SNX2: variants seen among roughly 807,000 people sequenced by gnomAD.
SNX2 encodes sorting nexin-2.
Under a neutral mutation model 69.9 loss-of-function variants are expected in SNX2, and 25 were observed. That is an observed-to-expected ratio of 0.36 (90% CI 0.26 to 0.50). The LOEUF (loss-of-function observed/expected upper bound fraction) is 0.50, where lower values mean the gene tolerates loss of function less well. Ranked by LOEUF, SNX2 falls within the 20% of genes least tolerant of loss-of-function variation. SNX2 has a pLI of 0.97. For missense variants in SNX2, 551 were observed against 613.3 expected, an observed-to-expected ratio of 0.90 and a Z score of 1.07; for synonymous variants, 229 against 200.4, an observed-to-expected ratio of 1.14 and a Z score of -1.20.
chr5:122,791,127 T>G (rs1167916287), intron 1 of SNX2, among the ~76,000 whole-genome samples: 31 of 42,920 alleles, frequency 7.2e-4, no homozygotes, highest in Non-Finnish European at 1.1e-3. Context: ...CAATTTTTTT[T>G]TTTTTTTTTT....
intron 6 of SNX2, among the ~76,000 whole-genome samples, chr5:122,804,393 TCTCA>T (rs1170205959): frequency 6.8e-6 from 1 of 146,106 alleles, no homozygotes; most frequent in African/African-American, 2.6e-5. Context: ...TGAGATGGAG[TCTCA>T]CTCTGTCATC....
chr5:122,823,316 AAACG>A (rs1234549001), intron 11 of SNX2, among the ~76,000 whole-genome samples: 2 of 150,432 alleles, frequency 1.3e-5, no homozygotes, highest in Non-Finnish European at 2.9e-5. Context: ...GAAAGAAAAC[AAACG>A]AAGAAAAAGT....
intron 2 of SNX2, among the ~76,000 whole-genome samples, chr5:122,796,292 C>T (rs1336021622): frequency 6.6e-6 from 1 of 152,084 alleles, no homozygotes; most frequent in Non-Finnish European, 1.5e-5. Context: ...CATAGTGGTT[C>T]AATATTCAAA....
In SNX2 at chr5:122,801,652, C is replaced by CGTGTGTGTGTGTGTGTGTGT. The variant is rs61189602; in HGVS notation, c.391-198_391-179dup. On this transcript the variant is annotated intron_variant, in intron 3 of 14. Coordinates refer to ENST00000379516, the MANE Select transcript of SNX2 (RefSeq NM_003100.4). ...TGTTACTTCTCCAAATGGTCTTTTT[C>CGTGTGTGTGTGTGTGTGTGT]GTGTGTGTGTGTGTGTGTGTGTGTG... Among the ~76,000 whole-genome samples the CGTGTGTGTGTGTGTGTGTGT allele has an allele frequency of 1.9e-3, 248 of 132,110 alleles. 1 individual carries two copies. Among genetic ancestry groups the CGTGTGTGTGTGTGTGTGTGT allele is most frequent in the African/African-American group, 7.0e-3 (237 of 33,640 alleles). The allele number at this position is 132,110 out of a possible 152,430, so 86.7% of individuals were successfully genotyped here.
rs540460684 is a variant in SNX2 at position 122,805,876 on chromosome 5, G to T, written c.643+2263G>T. ...GCTCACTGCAAGCTCTGTCTCCCGG[G>T]TTCATGCTATTCTCCTGCCTCAGCC... On this transcript the variant is annotated intron_variant, in intron 6 of 14. Coordinates refer to ENST00000379516, the MANE Select transcript of SNX2 (RefSeq NM_003100.4). Among the ~76,000 whole-genome samples, 15 of 152,166 alleles carry T rather than the reference G, an allele frequency of 9.9e-5. No homozygotes were observed. The East Asian group carries it at 2.7e-3, about 27-fold the overall frequency.
In SNX2 at chr5:122,833,196, T is replaced by A. The variant is rs544747025; in HGVS notation, c.*3548T>A. 3.9e-5 allele frequency: 6 copies of A among 152,276 alleles called. No individual in the cohort carries two copies. The East Asian group carries it at 1.2e-3, about 29-fold the overall frequency. The allele number at this position is 152,276 out of a possible 1,614,324, so 9.4% of individuals were successfully genotyped here. ...CCTCACAGTGAAGGATTTGGTTTCA[T>A]GTAACAATGAAAGTAGATAATGGGT... is the stretch of plus-strand genomic sequence containing the variant. On this transcript the variant is annotated 3_prime_UTR_variant, in exon 15 of 15. Transcript: ENST00000379516.
intron 11 of SNX2, among the ~76,000 whole-genome samples, chr5:122,820,192 A>G (rs1291222003): frequency 6.6e-6 from 1 of 152,176 alleles, no homozygotes; most frequent in Non-Finnish European, 1.5e-5. Context: ...AAAGTGTGAC[A>G]CTTCCAACAA....
At chr5:122,805,330 C>A (rs1303412560) in intron 6 of SNX2, among the ~76,000 whole-genome samples, 6 of 147,536 alleles carry the variant, frequency 4.1e-5, no homozygotes, top group African/African-American at 1.2e-4. Flanking sequence ...TTTATTTTTT[C>A]CCCCAAGCTG....
At chr5:122,782,225 C>G (rs1269586776) in intron 1 of SNX2, among the ~76,000 whole-genome samples, 1 of 151,958 alleles carries the variant, frequency 6.6e-6, no homozygotes, top group African/African-American at 2.4e-5. Context: ...CCTTTTACAT[C>G]TTTTGCTTAT....
At chr5:122,821,421 A>G (rs1754018478) in intron 11 of SNX2, among the ~76,000 whole-genome samples, 1 of 149,914 alleles carries the variant, frequency 6.7e-6, no homozygotes, top group Non-Finnish European at 1.5e-5. Flanking sequence ...ACTCCACTTA[A>G]TAGGGCGGTC....
At chr5:122,810,787 AAAAG>A (rs554351457) in intron 7 of SNX2, among the ~76,000 whole-genome samples, 1 of 152,198 alleles carries the variant, frequency 6.6e-6, no homozygotes. Flanking sequence ...AATAGTGAAA[AAAAG>A]AAAGAAACAG....
At chr5:122,791,153 T>C (rs2112683) in intron 1 of SNX2, among the ~76,000 whole-genome samples, 91,019 of 146,924 alleles carry the variant, frequency 0.62, 28,758 homozygotes, top group African/African-American at 0.7. Context: ...AGAGGAGTTT[T>C]GTTCTTGTTG....
rs1296425948 is a variant in SNX2 at position 122,799,682 on chromosome 5, C to T, written c.227-10C>T. The stretch of plus-strand genomic sequence containing the variant: ...AGTGTTCTTAACTAACTTGTTTAAT[C>T]TATGTCTAGAAGCCACAGAAGAAGT... On this transcript the variant is annotated splice_polypyrimidine_tract_variant and intron_variant, in intron 2 of 14. Coordinates refer to ENST00000379516, the MANE Select transcript of SNX2 (RefSeq NM_003100.4). 1 of 1,606,048 alleles carries T rather than the reference C, an allele frequency of 6.2e-7. No individual in the cohort carries two copies. The highest frequency in any genetic ancestry group is 1.7e-4 in the Middle Eastern group (1 of 6,034).
rs1468611344 is a variant in SNX2 at position 122,833,455 on chromosome 5, ATAT to A, written c.*3812_*3814del. On this transcript the variant is annotated 3_prime_UTR_variant, in exon 15 of 15. Transcript: ENST00000379516. The stretch of plus-strand genomic sequence containing the variant: ...ATTTTAATAATCCAGTAGCTCCAAA[ATAT>A]TATTTTAATATGTAATCCAATATAT... 6.6e-6 allele frequency: 1 copy of A among 152,266 alleles called. No individual in the cohort carries two copies. Among genetic ancestry groups the A allele is most frequent in the Non-Finnish European group, 1.5e-5 (1 of 67,998 alleles). 9.4% of individuals were successfully genotyped at this position (152,266 alleles called of 1,614,324 possible).
In SNX2 at chr5:122,816,908, A is replaced by G. The variant is rs1421017583; in HGVS notation, c.799-7A>G. On this transcript the variant is annotated splice_polypyrimidine_tract_variant and splice_region_variant and intron_variant, in intron 8 of 14. Coordinates refer to ENST00000379516, the MANE Select transcript of SNX2 (RefSeq NM_003100.4). ...TTTGTTTGCCCTTATTTGTCATTCA[A>G]TTCCAGCTGCCTAGAGCAGTTAATA... The G allele has an allele frequency of 6.3e-7, 1 of 1,590,212 alleles. No homozygotes were observed. The highest frequency in any genetic ancestry group is 1.7e-5 in the Admixed American group (1 of 59,054).
At chr5:122,786,245 C>A (rs1026452382) in intron 1 of SNX2, among the ~76,000 whole-genome samples, 4 of 152,018 alleles carry the variant, frequency 2.6e-5, no homozygotes, top group African/African-American at 9.7e-5. Context: ...ATTTGTCTTT[C>A]AAGCAGGTTT....
chr5:122,811,984 G>A (rs1327066478), intron 7 of SNX2, among the ~76,000 whole-genome samples: 5 of 152,080 alleles, frequency 3.3e-5, no homozygotes, highest in African/African-American at 1.2e-4. Flanking sequence ...AGCTGTTCAG[G>A]ATTATCTAAT....
At chr5:122,775,530 C>T (rs1752837354) in intron 1 of SNX2, 6 of 1,044,644 alleles carry the variant, frequency 5.7e-6, no homozygotes, top group Non-Finnish European at 6.9e-6. Context: ...CCTCTTCAAG[C>T]CGGAGAAGGG....
At chr5:122,821,968 T>A (rs925866745) in intron 11 of SNX2, among the ~76,000 whole-genome samples, 3 of 152,244 alleles carry the variant, frequency 2.0e-5, no homozygotes, top group African/African-American at 7.2e-5. Flanking sequence ...CTTTGTACCC[T>A]AACCTACCTA....
Sources: gnomAD v4.1 joint callset for allele counts (sites outside exome capture counted in the v4.1 genomes callset) on GRCh38, gnomAD v4.1.1 for gene constraint, MANE v1.5 for transcripts, NCBI Gene and HGNC (gene_info 2026-07-23, HGNC 2026-07-21) for gene names.